Variants in KDM6A observed in about 807,000 individuals in gnomAD.
KDM6A encodes the protein lysine-specific demethylase 6A.
Under a neutral mutation model 117.6 loss-of-function variants are expected in KDM6A, and 11 were observed. That is an observed-to-expected ratio of 0.09 (90% confidence interval 0.06 to 0.15). KDM6A has a LOEUF of 0.15. KDM6A is among the 10% of genes least tolerant of loss of function. The pLI is 1.00. For missense variants in KDM6A, 799 were observed against 1,077.3 expected, an observed-to-expected ratio of 0.74 and a Z score of 3.62; for synonymous variants, 384 against 396.1, an observed-to-expected ratio of 0.97 and a Z score of 0.36.
chrX:44,911,445 A>G (rs370036846), intron 2 of KDM6A, among the ~76,000 whole-genome samples: 2 of 105,185 alleles, frequency 1.9e-5, no homozygotes, highest in Non-Finnish European at 3.9e-5. Flanking sequence ...CAGGGCAGAG[A>G]CGCTCCCCAC....
chrX:45,102,356 G>A (rs1040389037), intron 27 of KDM6A, among the ~76,000 whole-genome samples: 1 of 111,440 alleles, frequency 9.0e-6, no homozygotes, highest in African/African-American at 3.3e-5. Flanking sequence ...TACATTATAG[G>A]TTATTACCTT....
At chrX:45,073,895 T>A (rs961427423) in intron 18 of KDM6A, among the ~76,000 whole-genome samples, 3 of 111,871 alleles carry the variant, frequency 2.7e-5, no homozygotes, top group Admixed American at 1.9e-4. Context: ...CCCATTTGTC[T>A]ATTTTGGCTT....
intron 2 of KDM6A, among the ~76,000 whole-genome samples, chrX:44,883,304 C>T (rs1311865345): frequency 1.8e-5 from 2 of 110,420 alleles, no homozygotes; most frequent in Admixed American, 9.7e-5. Context: ...CTCCTGGGCT[C>T]AAGGTATCTG....
intron 6 of KDM6A, among the ~76,000 whole-genome samples, chrX:45,021,564 C>G (rs2042171779): frequency 1.8e-5 from 2 of 111,368 alleles, no homozygotes; most frequent in Admixed American, 9.6e-5. Context: ...GTAATTTGAG[C>G]TCACTAATAA....
chrX:45,053,909 T>G lies in KDM6A; in HGVS notation c.829T>G (p.Leu277Val), dbSNP rs773302796. The change falls in exon 10 of 30, where the codon TTG becomes GTG. Residue 277 changes from leucine to valine, a missense_variant. Physicochemically the swap from Leu to Val is conservative, Grantham distance 32 (BLOSUM62 1). Transcript: ENST00000611820. ...TGCTATTCAGTATCTCCAAAAGTCC[T>G]TGGAAGCAGATCCTAATTCTGGCCA... is the stretch of plus-strand genomic sequence containing the variant. ...SYAIQYLQKS[L>V]EADPNSGQSW... 7.4e-6 allele frequency: 9 copies of G among 1,208,087 alleles called. No individual in the cohort carries two copies. Among genetic ancestry groups the G allele is most frequent in the Non-Finnish European group, 1.0e-5 (9 of 892,022 alleles).
At chrX:44,936,939 G>GGTTGCCAA (rs2037002602) in intron 2 of KDM6A, among the ~76,000 whole-genome samples, 1 of 111,152 alleles carries the variant, frequency 9.0e-6, no homozygotes, top group East Asian at 2.8e-4. Flanking sequence ...CCTTTATCAG[G>GGTTGCCAA]CTTTAGAAGT....
intron 4 of KDM6A, among the ~76,000 whole-genome samples, chrX:45,008,089 G>A (rs1305847903): frequency 1.8e-5 from 2 of 111,818 alleles, no homozygotes; most frequent in African/African-American, 6.5e-5. Context: ...CATTTAAATG[G>A]ATCTTGAATG....
At chrX:45,109,651 C>G in intron 28 of KDM6A, among the ~76,000 whole-genome samples, 1 of 110,566 alleles carries the variant, frequency 9.0e-6, no homozygotes, top group Non-Finnish European at 1.9e-5. Context: ...GTTCCTTATC[C>G]TACCTGAACC....
chrX:45,098,219 T>C (rs999016427), intron 27 of KDM6A, among the ~76,000 whole-genome samples: 5 of 112,494 alleles, frequency 4.4e-5, no homozygotes, highest in Non-Finnish European at 9.4e-5. Flanking sequence ...ACATTGGCAA[T>C]GACTGCCAAT....
At chrX:45,091,867 C>A (rs910206559) in intron 27 of KDM6A, among the ~76,000 whole-genome samples, 1 of 111,358 alleles carries the variant, frequency 9.0e-6, no homozygotes, top group Non-Finnish European at 1.9e-5. Flanking sequence ...TGAAAGTAAT[C>A]CTGGTTTGTT....
chrX:44,962,969 C>T (rs2038758498), intron 3 of KDM6A, among the ~76,000 whole-genome samples: 3 of 111,694 alleles, frequency 2.7e-5, no homozygotes, highest in South Asian at 3.8e-4. Flanking sequence ...GTGGACTCTT[C>T]CTTTCATGAA....
chrX:45,084,184 C>T (rs1382189939), intron 24 of KDM6A, among the ~76,000 whole-genome samples: 1 of 111,920 alleles, frequency 8.9e-6, no homozygotes, highest in Non-Finnish European at 1.9e-5. Flanking sequence ...TTAGGCTTGT[C>T]ACTTTTGGCA....
chrX:45,036,445 C>G lies in KDM6A; in HGVS notation c.620-1210C>G, dbSNP rs181929972. 6.3e-5 allele frequency among the ~76,000 whole-genome samples: 7 copies of G among 111,939 alleles called. No homozygotes were observed. The Admixed American group carries it at 6.6e-4, about 11-fold the overall frequency. On this transcript the variant is annotated intron_variant, in intron 7 of 29. Transcript: ENST00000611820. The stretch of plus-strand genomic sequence containing the variant: ...ACTAAAGGTAATTTCCTGTGAAAAT[C>G]TAAAGGATTTTTACTTTCTTAAATG...
intron 25 of KDM6A, among the ~76,000 whole-genome samples, chrX:45,088,520 A>G (rs759503183): frequency 3.3e-4 from 37 of 113,712 alleles, no homozygotes; most frequent in Non-Finnish European, 6.2e-4. Context: ...AGTGGGCTGA[A>G]TTTGGCCCGT....
intron 2 of KDM6A, among the ~76,000 whole-genome samples, chrX:44,958,961 T>C (rs1246418650): frequency 9.0e-6 from 1 of 111,443 alleles, no homozygotes; most frequent in East Asian, 2.8e-4. Context: ...TATTGGAAAT[T>C]ATCTCAAGTT....
chrX:45,021,433 G>GT (rs1400486807), intron 6 of KDM6A, among the ~76,000 whole-genome samples: 3 of 111,481 alleles, frequency 2.7e-5, no homozygotes, highest in Non-Finnish European at 5.7e-5. Context: ...AAAAGTTTAA[G>GT]TTTTTGTGAA....
chrX:44,997,456 G>A (rs1652707844), intron 4 of KDM6A, among the ~76,000 whole-genome samples: 1 of 111,500 alleles, frequency 9.0e-6, no homozygotes, highest in Admixed American at 9.5e-5. Context: ...TCCTCTCGAT[G>A]TCCAGCCACT....
chrX:44,951,529 T>C (rs1297135413), intron 2 of KDM6A, among the ~76,000 whole-genome samples: 1 of 111,885 alleles, frequency 8.9e-6, no homozygotes, highest in Non-Finnish European at 1.9e-5. Context: ...TATGTTTATG[T>C]CTGTTTATTT....
intron 2 of KDM6A, among the ~76,000 whole-genome samples, chrX:44,874,765 TG>T (rs767622672): frequency 2.2e-3 from 58 of 25,905 alleles, no homozygotes; most frequent in African/African-American, 9.4e-3. Flanking sequence ...CGGGACAGGG[TG>T]GGAGGAGAAA....
Sources: gnomAD v4.1 joint callset for allele counts (sites outside exome capture counted in the v4.1 genomes callset) on GRCh38, gnomAD v4.1.1 for gene constraint, MANE v1.5 for transcripts, NCBI Gene and HGNC (gene_info 2026-07-23, HGNC 2026-07-21) for gene names.